Variants in HIVEP3 observed in about 807,000 individuals in gnomAD.
HIVEP3 encodes HIVEP zinc finger 3, also known as transcription factor HIVEP3.
HIVEP3 carries 49 observed loss-of-function variants against 152.8 expected under a neutral mutation model. That is an observed-to-expected ratio of 0.32 (90% CI 0.26 to 0.41). HIVEP3 has a LOEUF of 0.41. Ranked by LOEUF, HIVEP3 falls within the 10% of genes least tolerant of loss-of-function variation. HIVEP3 has a pLI of 1.00. For synonymous variants in HIVEP3, 1,269 were observed against 1,289.0 expected (o/e 0.98, Z 0.33); for missense variants, 2,790 against 3,103.3 (o/e 0.90, Z 2.40).
intron 2 of HIVEP3, among the ~76,000 whole-genome samples, chr1:41,696,610 G>A (rs911624524): frequency 5.3e-5 from 8 of 152,236 alleles, no homozygotes; most frequent in South Asian, 2.1e-4. Flanking sequence ...GGGCAGGAGC[G>A]TGGCAGATGG....
intron 1 of HIVEP3, among the ~76,000 whole-genome samples, chr1:41,764,973 C>G (rs732554): frequency 0.84 from 127,399 of 152,176 alleles, 56,095 homozygotes; most frequent in Non-Finnish European, 0.98. Context: ...AGGTGCCCAT[C>G]ACCTTGCATT....
chr1:41,987,651 A>G (rs968285530), intron 1 of HIVEP3, among the ~76,000 whole-genome samples: 2 of 152,356 alleles, frequency 1.3e-5, no homozygotes, highest in South Asian at 4.1e-4. Context: ...AAAAACGCCA[A>G]GAACCCACAT....
intron 3 of HIVEP3, among the ~76,000 whole-genome samples, chr1:41,623,288 A>T (rs910853562): frequency 6.6e-6 from 1 of 152,212 alleles, no homozygotes; most frequent in Non-Finnish European, 1.5e-5. Flanking sequence ...TTTTGCTCCC[A>T]TCTGTCCTCA....
chr1:41,627,182 A>C (rs1645129600), intron 3 of HIVEP3, among the ~76,000 whole-genome samples: 1 of 152,242 alleles, frequency 6.6e-6, no homozygotes, highest in Non-Finnish European at 1.5e-5. Context: ...CACACACGCC[A>C]GAAGGGTGAC....
chr1:41,526,860 C>T (rs1245079942), intron 5 of HIVEP3, among the ~76,000 whole-genome samples: 14 of 130,334 alleles, frequency 1.1e-4, no homozygotes, highest in Non-Finnish European at 1.8e-4. Flanking sequence ...CACCCTAACA[C>T]GCTCACACAC....
At chr1:41,673,632 AT>A (rs1468101318) in intron 2 of HIVEP3, among the ~76,000 whole-genome samples, 1 of 151,848 alleles carries the variant, frequency 6.6e-6, no homozygotes, top group African/African-American at 2.4e-5. Flanking sequence ...AACTCTAAGC[AT>A]TTTTTTTCTT....
chr1:41,598,311 G>C (rs1221137746), intron 3 of HIVEP3, among the ~76,000 whole-genome samples: 1 of 152,172 alleles, frequency 6.6e-6, no homozygotes. Context: ...TTCTATACAC[G>C]TGACTGTGGC....
chr1:41,809,266 C>T (rs890341222), intron 1 of HIVEP3, among the ~76,000 whole-genome samples: 1 of 152,204 alleles, frequency 6.6e-6, no homozygotes, highest in African/African-American at 2.4e-5. Flanking sequence ...GTTAATAACC[C>T]TTCATTGTTG....
intron 1 of HIVEP3, among the ~76,000 whole-genome samples, chr1:42,007,491 G>A (rs1167628298): frequency 6.6e-6 from 1 of 152,188 alleles, no homozygotes; most frequent in Non-Finnish European, 1.5e-5. Flanking sequence ...TATTTGATGG[G>A]CAATTTAAGG....
intron 6 of HIVEP3, 75 bp downstream of exon 6, chr1:41,524,659 GA>G (rs1642849199): frequency 7.2e-7 from 1 of 1,394,654 alleles, no homozygotes; most frequent in Admixed American, 1.7e-5. Context: ...CTGGGCACCT[GA>G]ACTCTGTGCT....
rs548563518 is a variant in HIVEP3 at position 41,649,853 on chromosome 1, T to C, written c.-720-20906A>G. ...CATCTGGCACCCAATTTGGCAGGGT[T>C]GCCAAAATTCTGTAAGACTAGAATT... On this transcript the variant is annotated intron_variant, in intron 2 of 8. Transcript: ENST00000372583. Among the ~76,000 whole-genome samples the C allele has an allele frequency of 2.0e-5, 3 of 152,316 alleles. No individual in the cohort carries two copies. The East Asian group carries it at 5.8e-4, about 29-fold the overall frequency.
At chr1:41,770,955 G>T (rs1340207803) in intron 1 of HIVEP3, among the ~76,000 whole-genome samples, 3 of 151,984 alleles carry the variant, frequency 2.0e-5, no homozygotes, top group Admixed American at 6.6e-5. Flanking sequence ...ATTGTCAACG[G>T]GGCATTTCTC....
rs1013576737 is a variant in HIVEP3 at position 41,747,603 on chromosome 1, A to C, written c.-800-46608T>G. Among the ~76,000 whole-genome samples the C allele has an allele frequency of 8.5e-5, 13 of 152,354 alleles. No homozygotes were observed. The South Asian group carries it at 2.1e-3, about 24-fold the overall frequency. Reference sequence around the variant, plus strand: ...GTCCTTCTGGTAGACCTTTTTCTAGACACATATGCAGTTTGATTTTAGTTT... The same window carrying C: ...GTCCTTCTGGTAGACCTTTTTCTAGCCACATATGCAGTTTGATTTTAGTTT... On this transcript the variant is annotated intron_variant, in intron 1 of 8. Transcript: ENST00000372583.
chr1:41,729,866 G>A (rs1244538675), intron 1 of HIVEP3, among the ~76,000 whole-genome samples: 1 of 152,196 alleles, frequency 6.6e-6, no homozygotes, highest in East Asian at 1.9e-4. Context: ...GAAGTGTCAT[G>A]TGAGTTTCCG....
chr1:41,659,847 T>G (rs564520968), intron 2 of HIVEP3, among the ~76,000 whole-genome samples: 1 of 152,154 alleles, frequency 6.6e-6, no homozygotes, highest in Non-Finnish European at 1.5e-5. Context: ...CTTGGGGAGC[T>G]AGTGCCAGGC....
At chr1:41,587,998 A>G (rs1413826346) in intron 3 of HIVEP3, among the ~76,000 whole-genome samples, 1 of 152,172 alleles carries the variant, frequency 6.6e-6, no homozygotes, top group East Asian at 1.9e-4. Context: ...TGTCCTAACC[A>G]CACTGCAGCT....
chr1:41,944,927 A>G (rs6665214), intron 1 of HIVEP3, among the ~76,000 whole-genome samples: 8,090 of 152,202 alleles, frequency 0.053, 757 homozygotes, highest in African/African-American at 0.18. Context: ...GACGCTAAGA[A>G]AGAAACGATT....
chr1:41,827,258 C>T (rs143981403), intron 1 of HIVEP3, among the ~76,000 whole-genome samples: 2,505 of 152,322 alleles, frequency 0.016, 39 homozygotes, highest in Non-Finnish European at 0.021. Context: ...TAGTCACCAA[C>T]AGTACCTTAT....
At chr1:41,997,123 G>T (rs1332233310) in intron 1 of HIVEP3, among the ~76,000 whole-genome samples, 1 of 152,212 alleles carries the variant, frequency 6.6e-6, no homozygotes, top group East Asian at 1.9e-4. Context: ...AACATCTATG[G>T]CAGGGGGAGG....
Sources: allele counts gnomAD v4.1 joint callset (sites outside exome capture counted in the v4.1 genomes callset), GRCh38; gene constraint gnomAD v4.1.1; transcripts MANE v1.5; gene names NCBI Gene and HGNC (gene_info 2026-07-23, HGNC 2026-07-21).